Variants in NPC1L1 observed in about 807,000 individuals in gnomAD.
The protein encoded by NPC1L1 is NPC1 like intracellular cholesterol transporter 1.
A neutral mutation model predicts 117.0 loss-of-function variants in NPC1L1; 98 were observed. The ratio of observed to expected loss-of-function variants is 0.84; its 90% CI spans 0.71 to 0.99. The LOEUF is 0.99. Ranked by LOEUF, NPC1L1 falls within the 50% of genes least tolerant of loss-of-function variation. The pLI is 0.00. For synonymous variants in NPC1L1, 729 were observed against 727.6 expected, an observed-to-expected ratio of 1.00 and a Z score of -0.03; for missense variants, 1,540 against 1,710.0, an observed-to-expected ratio of 0.90 and a Z score of 1.75.
At chr7:44,537,567 T>G (rs1337094689) in intron 2 of NPC1L1, among the ~76,000 whole-genome samples, 2 of 152,210 alleles carry the variant, frequency 1.3e-5, no homozygotes, top group Non-Finnish European at 2.9e-5. Flanking sequence ...AAGCCCGTCA[T>G]TGCGAAGATG....
Position 44,539,262 on chromosome 7 carries a change from G to A in NPC1L1, c.1135C>T (p.Pro379Ser). The change falls in exon 2 of 19, where the codon CCC becomes TCC. Residue 379 changes from proline to serine, a missense_variant. By Grantham distance (74) the Pro-to-Ser change is moderately conservative. Around this residue, in one of 3 missense-constraint regions of NPC1L1, gnomAD observed 793 missense variants for 820.4 expected, o/e 0.97. Transcript: ENST00000381160. The surrounding 1 kb of genome is among the most constrained non-coding windows in gnomAD (Gnocchi z 4.4). ...GLVFTELTTD[P>S]VELWSAPNSQ... ...TTGGGGGCCGACCACAGCTCCACGGGGTCCGTAGTGAGTTCTGTAAAGACC... is the reference window on the plus strand; with the variant it reads ...TTGGGGGCCGACCACAGCTCCACGGAGTCCGTAGTGAGTTCTGTAAAGACC... 1 of 1,614,076 alleles carries A rather than the reference G, an allele frequency of 6.2e-7. No individual in the cohort carries two copies. Among genetic ancestry groups the A allele is most frequent in the South Asian group, 1.1e-5 (1 of 91,082 alleles).
Position 44,518,125 on chromosome 7 carries a change from A to G in NPC1L1, c.3137-768T>C, listed in dbSNP as rs562255968. ...CAAGATCCCATCTCAAAAAAAAAAAAGAAGAAATTAAGGTTATTAAGACCT... is the reference window on the plus strand; with the variant it reads ...CAAGATCCCATCTCAAAAAAAAAAAGGAAGAAATTAAGGTTATTAAGACCT... On this transcript the variant is annotated intron_variant, in intron 14 of 18. Transcript: ENST00000381160. Among the ~76,000 whole-genome samples, 62 of 151,828 alleles carry G rather than the reference A, an allele frequency of 4.1e-4. 1 individual carries two copies. Among genetic ancestry groups the G allele is most frequent in the African/African-American group, 1.5e-3 (61 of 41,362 alleles).
Position 44,536,173 on chromosome 7 carries a change from G to T in NPC1L1, c.1854+83C>A. ...CACTGCCCAGGGTCACTTAGGAAGG[G>T]CCAGGGCCAGGATGGGGACACAGGA... is the stretch of plus-strand genomic sequence containing the variant. On this transcript the variant is annotated intron_variant, in intron 4 of 18. Transcript: ENST00000381160. This position sits in a 1 kb window ranked among gnomAD's most constrained non-coding sequence, Gnocchi z 4.7. The T allele has an allele frequency of 6.3e-7, 1 of 1,593,046 alleles. No homozygotes were observed. Among genetic ancestry groups the T allele is most frequent in the East Asian group, 2.2e-5 (1 of 44,830 alleles).
Position 44,534,582 on chromosome 7 carries a change from C to G in NPC1L1, c.2031G>C (p.Leu677=), listed in dbSNP as rs765742531. 5.0e-6 allele frequency: 8 copies of G among 1,614,154 alleles called. No homozygotes were observed. Among genetic ancestry groups the G allele is most frequent in the Non-Finnish European group, 5.9e-6 (7 of 1,180,016 alleles). ...TLGLGGVAVV[L]GAVMAAMGFF... ...AGCCCATGGCAGCCATGACTGCTCC[C>G]AGGACCACGGCCACCCCGCCGAGGC... Residue 677 remains leucine, a synonymous_variant, in exon 6 of 19, where the codon CTG becomes CTC. Transcript: ENST00000381160. This position sits in a 1 kb window ranked among gnomAD's most constrained non-coding sequence, Gnocchi z 5.2.
At position 44,533,871 on chromosome 7, in the gene NPC1L1, G is replaced by A; in HGVS notation, c.2167-18C>T. The A allele has an allele frequency of 1.3e-6, 2 of 1,596,812 alleles. No homozygotes were observed. The highest frequency in any genetic ancestry group is 1.3e-5 in the African/African-American group (1 of 74,868). ...GGCAGCCTCTGTGTGGGAACAGCAG[G>A]GATAAGAGCCAGGGCCCTCCAAGGG... is the stretch of plus-strand genomic sequence containing the variant. On this transcript the variant is annotated intron_variant, in intron 6 of 18. Transcript: ENST00000381160.
chr7:44,520,118 G>A (rs144903572), intron 14 of NPC1L1, among the ~76,000 whole-genome samples: 369 of 152,138 alleles, frequency 2.4e-3, no homozygotes, highest in African/African-American at 8.4e-3. Context: ...CATCTCTGCT[G>A]AAAATACAAA....
chr7:44,534,597 C>T lies in NPC1L1; in HGVS notation c.2016G>A (p.Gly672=), dbSNP rs758137107. 585 of 1,613,992 alleles carry T rather than the reference C, an allele frequency of 3.6e-4. 1 individual carries two copies. Among genetic ancestry groups the T allele is most frequent in the Non-Finnish European group, 7.7e-5 (91 of 1,179,976 alleles). The part of the protein sequence containing the change: ...VDSKATLGLG[G]VAVVLGAVMA... ...TGACTGCTCCCAGGACCACGGCCAC[C>T]CCGCCGAGGCCCAGCGTGGCCTTGG... Residue 672 remains glycine, a synonymous_variant, in exon 6 of 19, where the codon GGG becomes GGA. Coordinates refer to ENST00000381160, the MANE Select transcript of NPC1L1 (RefSeq NM_001101648.2). The surrounding 1 kb of genome is among the most constrained non-coding windows in gnomAD (Gnocchi z 5.2).
At chr7:44,540,641 G>A (rs984953962) in intron 1 of NPC1L1, among the ~76,000 whole-genome samples, 1 of 152,030 alleles carries the variant, frequency 6.6e-6, no homozygotes, top group Non-Finnish European at 1.5e-5. Context: ...CTCTGCCCAC[G>A]TCAAAGTCAG....
intron 10 of NPC1L1, among the ~76,000 whole-genome samples, chr7:44,530,204 G>A (rs1197016877): frequency 6.6e-6 from 1 of 152,140 alleles, no homozygotes; most frequent in Non-Finnish European, 1.5e-5. Flanking sequence ...TGGGCGTGGT[G>A]GCGGCCACCT....
At position 44,538,919 on chromosome 7, in the gene NPC1L1, T is replaced by C; in HGVS notation, c.1478A>G (p.Tyr493Cys). Residue 493 changes from tyrosine to cysteine, a missense_variant, in exon 2 of 19, where the codon TAT becomes TGT. By Grantham distance (194) the Tyr-to-Cys change is radical (BLOSUM62 -2). Coordinates refer to ENST00000381160, the MANE Select transcript of NPC1L1 (RefSeq NM_001101648.2). The surrounding 1 kb of genome is among the most constrained non-coding windows in gnomAD (Gnocchi z 5.9). Reference protein sequence around the residue: ...YDCCINSLLQYFQNNRTLLLL... With the variant: ...YDCCINSLLQCFQNNRTLLLL... Reference sequence around the variant, plus strand: ...CAGGAGCGTGCGGTTGTTCTGGAAATACTGCAGGAGGCTGTTGATGCAGCA... The same window carrying C: ...CAGGAGCGTGCGGTTGTTCTGGAAACACTGCAGGAGGCTGTTGATGCAGCA... 1 of 1,614,172 alleles carries C rather than the reference T, an allele frequency of 6.2e-7. No individual in the cohort carries two copies. Among genetic ancestry groups the C allele is most frequent in the East Asian group, 2.2e-5 (1 of 44,884 alleles).
At chr7:44,528,172 C>T (rs183807018) in intron 10 of NPC1L1, among the ~76,000 whole-genome samples, 72 of 152,278 alleles carry the variant, frequency 4.7e-4, no homozygotes, top group Admixed American at 1.7e-3. Flanking sequence ...GGCTGGAGTA[C>T]AGTGGCATGA....
At chr7:44,523,351 G>A (rs551292881) in intron 10 of NPC1L1, among the ~76,000 whole-genome samples, 230 of 152,184 alleles carry the variant, frequency 1.5e-3, no homozygotes, top group Non-Finnish European at 2.6e-3. Flanking sequence ...CCACCACACC[G>A]GCCCTAGTGT....
Position 44,517,249 on chromosome 7 carries a change from T to C in NPC1L1, c.3245A>G (p.Lys1082Arg), listed in dbSNP as rs1364779701. 33 of 1,613,786 alleles carry C rather than the reference T, an allele frequency of 2.0e-5. No individual in the cohort carries two copies. The highest frequency in any genetic ancestry group is 2.8e-5 in the Non-Finnish European group (33 of 1,179,962). Residue 1082 changes from lysine to arginine, a missense_variant, in exon 15 of 19, where the codon AAA becomes AGA. Transcript: ENST00000381160. ...LAANITADLR[K>R]VPGTDPAFEV... is the part of the protein sequence containing the mutation. ...AAAAGCCGGGTCTGTTCCAGGCACT[T>C]TCCGCAGGTCAGCAGTGATGTTGGC... is the stretch of plus-strand genomic sequence containing the variant.
intron 2 of NPC1L1, among the ~76,000 whole-genome samples, chr7:44,537,239 G>A (rs1801928166): frequency 6.6e-6 from 1 of 152,208 alleles, no homozygotes. Context: ...GGCTGCTCCG[G>A]GACCTGTCCC....
chr7:44,540,467 G>A, intron 1 of NPC1L1, 125 bp from the exon 2 acceptor site: 1 of 858,242 alleles, frequency 1.2e-6, no homozygotes, highest in South Asian at 1.4e-5. Flanking sequence ...CGGGGAGTGT[G>A]GGGAGTAGGA....
rs1285495935 is a variant in NPC1L1 at position 44,534,562 on chromosome 7, A to G, written c.2051T>C (p.Met684Thr). 6.2e-7 allele frequency: 1 copy of G among 1,614,178 alleles called. No individual in the cohort carries two copies. The highest frequency in any genetic ancestry group is 2.2e-5 in the East Asian group (1 of 44,880). Reference protein sequence around the residue: ...AVVLGAVMAAMGFFSYLGIRS... With the variant: ...AVVLGAVMAATGFFSYLGIRS... ...GATACCCAAGTAGGAGAAGAAGCCC[A>G]TGGCAGCCATGACTGCTCCCAGGAC... is the stretch of plus-strand genomic sequence containing the variant. The change falls in exon 6 of 19, where the codon ATG (methionine) becomes ACG (threonine). Residue 684 changes from methionine to threonine, a missense_variant. Met to Thr is a moderately conservative substitution (Grantham distance 81). This residue lies in a region of NPC1L1 where 742 missense variants were observed against 873.6 expected (regional missense o/e 0.85). Coordinates refer to ENST00000381160, the MANE Select transcript of NPC1L1 (RefSeq NM_001101648.2). The surrounding 1 kb of genome is among the most constrained non-coding windows in gnomAD (Gnocchi z 5.2).
At chr7:44,527,067 T>G (rs947012236) in intron 10 of NPC1L1, among the ~76,000 whole-genome samples, 4 of 151,496 alleles carry the variant, frequency 2.6e-5, no homozygotes, top group Non-Finnish European at 4.4e-5. Context: ...GAGGGTGAAA[T>G]TAAGACATTC....
intron 10 of NPC1L1, among the ~76,000 whole-genome samples, chr7:44,528,618 G>T (rs1801599226): frequency 1.3e-5 from 2 of 152,160 alleles, no homozygotes; most frequent in African/African-American, 4.8e-5. Flanking sequence ...AATTTCACTA[G>T]TAGCAATCAA....
At chr7:44,531,723 G>C (rs1412854662) in intron 10 of NPC1L1, 32 bp downstream of exon 10, 15 of 1,546,882 alleles carry the variant, frequency 9.7e-6, no homozygotes, top group Admixed American at 2.0e-5. Flanking sequence ...CAAATCCCAG[G>C]GGCCTAAGGG....
Sources: gnomAD v4.1 joint callset for allele counts (sites outside exome capture counted in the v4.1 genomes callset) on GRCh38, gnomAD v4.1.1 for gene constraint, gnomAD v4.1.1 regional missense constraint, Gnocchi (gnomAD v3.1) non-coding constraint, MANE v1.5 for transcripts, NCBI Gene and HGNC (gene_info 2026-07-23, HGNC 2026-07-21) for gene names.